The following CDC73 variants were observed in gnomAD, a reference collection of about 807,000 sequenced individuals.
CDC73 encodes cell division cycle 73.
In CDC73, 21 loss-of-function variants were observed where a neutral mutation model predicts 83.7. That is an observed-to-expected ratio of 0.25 (90% CI 0.18 to 0.36). The LOEUF is 0.36. Among genes scored for constraint, CDC73 ranks in the 10% least tolerant of loss-of-function variants. The pLI, the probability that CDC73 is intolerant of heterozygous loss-of-function variation, is 1.00. For synonymous variants in CDC73, 224 were observed against 212.9 expected (o/e 1.05, Z -0.45); for missense variants, 342 against 653.3 (o/e 0.52, Z 5.19).
At chr1:193,160,496 G>C (rs754729858) in intron 10 of CDC73, among the ~76,000 whole-genome samples, 1 of 151,990 alleles carries the variant, frequency 6.6e-6, no homozygotes, top group Non-Finnish European at 1.5e-5. Context: ...TAATGCTGTA[G>C]TTATAGATGA....
chr1:193,128,464 C>T (rs1675626953), intron 2 of CDC73, among the ~76,000 whole-genome samples: 1 of 151,810 alleles, frequency 6.6e-6, no homozygotes, highest in Non-Finnish European at 1.5e-5. Context: ...TGCCACCATG[C>T]CTGGCTAACT....
At chr1:193,154,793 T>C (rs1343907062) in intron 10 of CDC73, among the ~76,000 whole-genome samples, 1 of 152,204 alleles carries the variant, frequency 6.6e-6, no homozygotes, top group Non-Finnish European at 1.5e-5. Flanking sequence ...TTTCTCTTCT[T>C]TTCTGCTTTG....
At chr1:193,182,817 A>C (rs543810526) in intron 10 of CDC73, among the ~76,000 whole-genome samples, 29 of 152,212 alleles carry the variant, frequency 1.9e-4, no homozygotes, top group African/African-American at 7.0e-4. Context: ...AGAGGTGGGC[A>C]AAGAGGTATA....
At chr1:193,211,230 C>G (rs940871925) in intron 11 of CDC73, among the ~76,000 whole-genome samples, 5 of 152,200 alleles carry the variant, frequency 3.3e-5, no homozygotes, top group African/African-American at 1.2e-4. Context: ...GAACATGTTT[C>G]TCTTATGTCT....
intron 11 of CDC73, among the ~76,000 whole-genome samples, chr1:193,206,573 A>G (rs1371858721): frequency 6.6e-6 from 1 of 152,224 alleles, no homozygotes; most frequent in African/African-American, 2.4e-5. Flanking sequence ...ATATTGTTTA[A>G]TATCTGACAT....
intron 10 of CDC73, among the ~76,000 whole-genome samples, chr1:193,178,257 A>T (rs921125052): frequency 3.3e-5 from 5 of 152,156 alleles, no homozygotes; most frequent in African/African-American, 9.7e-5. Flanking sequence ...GTCTGATATC[A>T]GATTACTATC....
In CDC73 at chr1:193,173,647, T is replaced by G. The variant is rs145427808; in HGVS notation, c.972+21203T>G. Among the ~76,000 whole-genome samples, 14 of 152,350 alleles carry G rather than the reference T, an allele frequency of 9.2e-5. No individual in the cohort carries two copies. The East Asian group carries it at 2.1e-3, about 23-fold the overall frequency. ...GTTAGGAATCTCAAGTATCTTTTGCTGTAGTTCATAATTTTTTTGTGCCAT... is the reference window on the plus strand; with the variant it reads ...GTTAGGAATCTCAAGTATCTTTTGCGGTAGTTCATAATTTTTTTGTGCCAT... On this transcript the variant is annotated intron_variant, in intron 10 of 16. Transcript: ENST00000367435.
chr1:193,133,718 A>C (rs1226697099), intron 3 of CDC73, among the ~76,000 whole-genome samples: 1 of 152,190 alleles, frequency 6.6e-6, no homozygotes, highest in Non-Finnish European at 1.5e-5. Context: ...AAATATGTTA[A>C]TATTTCAACT....
intron 13 of CDC73, among the ~76,000 whole-genome samples, chr1:193,219,733 G>C (rs1171614768): frequency 6.6e-6 from 1 of 152,160 alleles, no homozygotes; most frequent in Non-Finnish European, 1.5e-5. Flanking sequence ...GCCTACTTGA[G>C]GGTGGAAGCT....
rs950087478 is a variant in CDC73 at position 193,251,692 on chromosome 1, A to C, written c.*980A>C. On this transcript the variant is annotated 3_prime_UTR_variant, in exon 17 of 17. Coordinates refer to ENST00000367435, the MANE Select transcript of CDC73 (RefSeq NM_024529.5). ...GTCTGAAAAGAAACAAGAGAAAAACACTGGTATTTTTATGTCTGTATTCAA... is the reference window on the plus strand; with the variant it reads ...GTCTGAAAAGAAACAAGAGAAAAACCCTGGTATTTTTATGTCTGTATTCAA... 1 of 232,092 alleles carries C rather than the reference A, an allele frequency of 4.3e-6. No homozygotes were observed. The highest frequency in any genetic ancestry group is 2.2e-5 in the African/African-American group (1 of 45,274). 14.4% of individuals were successfully genotyped at this position (232,092 alleles called of 1,614,324 possible).
chr1:193,204,775 C>G (rs904377905), intron 11 of CDC73, among the ~76,000 whole-genome samples: 3 of 152,026 alleles, frequency 2.0e-5, no homozygotes, highest in Non-Finnish European at 4.4e-5. Flanking sequence ...ATTTTAGAAA[C>G]ATGTTTTAAA....
chr1:193,175,319 T>C (rs2103152852), intron 10 of CDC73, among the ~76,000 whole-genome samples: 1 of 152,302 alleles, frequency 6.6e-6, no homozygotes, highest in South Asian at 2.1e-4. Context: ...AGGGGCAAGA[T>C]GAAGAAAAGT....
intron 6 of CDC73, among the ~76,000 whole-genome samples, chr1:193,140,385 G>A (rs1034376098): frequency 1.3e-5 from 2 of 152,134 alleles, no homozygotes; most frequent in African/African-American, 4.8e-5. Flanking sequence ...GAGAAGTACG[G>A]TAGTCCCCCA....
chr1:193,229,039 TA>T (rs1055568185), intron 13 of CDC73, among the ~76,000 whole-genome samples: 30 of 152,236 alleles, frequency 2.0e-4, no homozygotes, highest in African/African-American at 7.0e-4. Context: ...GTTGAGGAAG[TA>T]AAAATTAAAA....
intron 7 of CDC73, among the ~76,000 whole-genome samples, chr1:193,146,692 T>G (rs981270827): frequency 6.6e-6 from 1 of 152,060 alleles, no homozygotes; most frequent in African/African-American, 2.4e-5. Context: ...TCAACATGGG[T>G]TTTAGAGGAG....
At chr1:193,151,345 C>G (rs993365343) in intron 9 of CDC73, among the ~76,000 whole-genome samples, 3 of 152,118 alleles carry the variant, frequency 2.0e-5, no homozygotes, top group African/African-American at 7.2e-5. Context: ...TACGTCCATT[C>G]TTTCATTATA....
At chr1:193,144,507 T>C (rs563291542) in intron 7 of CDC73, among the ~76,000 whole-genome samples, 2 of 152,340 alleles carry the variant, frequency 1.3e-5, no homozygotes, top group East Asian at 1.9e-4. Flanking sequence ...ACCTTTGCAG[T>C]GATGGTACAC....
At chr1:193,146,218 A>G (rs1406927256) in intron 7 of CDC73, among the ~76,000 whole-genome samples, 2 of 152,160 alleles carry the variant, frequency 1.3e-5, no homozygotes, top group African/African-American at 2.4e-5. Flanking sequence ...GATTCTTACT[A>G]CATATTCCTT....
intron 10 of CDC73, among the ~76,000 whole-genome samples, chr1:193,189,826 A>G (rs2103167259): frequency 6.6e-6 from 1 of 152,354 alleles, no homozygotes; most frequent in East Asian, 1.9e-4. Flanking sequence ...AATCAGATGT[A>G]AATCTGCTGT....
Sources: allele counts gnomAD v4.1 joint callset (sites outside exome capture counted in the v4.1 genomes callset), GRCh38; gene constraint gnomAD v4.1.1; transcripts MANE v1.5; gene names NCBI Gene and HGNC (gene_info 2026-07-23, HGNC 2026-07-21).